Variants in ALK observed in about 807,000 individuals in gnomAD.
ALK encodes the protein ALK receptor tyrosine kinase, also known as ALK tyrosine kinase receptor.
A neutral mutation model predicts 163.1 loss-of-function variants in ALK; 74 were observed. The observed-to-expected ratio is 0.45, with a 90% confidence interval of 0.38 to 0.55. The LOEUF is 0.55. Among genes scored for constraint, ALK ranks in the 20% least tolerant of loss-of-function variants. The probability of loss-of-function intolerance (pLI) is 0.00; values close to 1 mark genes in which losing one functional copy is unlikely to be tolerated. For missense variants in ALK, 2,063 were observed against 2,105.3 expected, an observed-to-expected ratio of 0.98 and a Z score of 0.39; for synonymous variants, 960 against 843.2, an observed-to-expected ratio of 1.14 and a Z score of -2.40.
At chr2:29,496,277 A>C (rs1672020663) in intron 4 of ALK, among the ~76,000 whole-genome samples, 2 of 152,224 alleles carry the variant, frequency 1.3e-5, no homozygotes, top group South Asian at 4.1e-4. Context: ...ATTTGTCAAA[A>C]TGTTAAGGTC....
At chr2:29,662,681 G>A (rs149654562) in intron 3 of ALK, among the ~76,000 whole-genome samples, 159 of 152,010 alleles carry the variant, frequency 1.0e-3, no homozygotes, top group African/African-American at 3.8e-3. Context: ...TGACTTCACC[G>A]GTCCTATCTT....
intron 3 of ALK, among the ~76,000 whole-genome samples, chr2:29,625,038 G>T (rs546511813): frequency 6.6e-6 from 1 of 152,198 alleles, no homozygotes; most frequent in Non-Finnish European, 1.5e-5. Flanking sequence ...TGGTATGGAC[G>T]TGAGTGTGTC....
At chr2:29,705,552 G>A (rs770480672) in intron 2 of ALK, among the ~76,000 whole-genome samples, 66 of 151,816 alleles carry the variant, frequency 4.3e-4, no homozygotes, top group Non-Finnish European at 8.8e-4. Flanking sequence ...AGGGGGCTGG[G>A]AGAGGCACCA....
chr2:29,214,124 G>A (rs1181854163), intron 23 of ALK, 43 bp from the exon 24 acceptor site: 2 of 1,539,850 alleles, frequency 1.3e-6, no homozygotes, highest in South Asian at 1.1e-5. Context: ...GAGCTTGTCA[G>A]TGAGAGGAGG....
intron 3 of ALK, among the ~76,000 whole-genome samples, chr2:29,565,827 C>T (rs75559193): frequency 0.02 from 3,037 of 152,144 alleles, 65 homozygotes; most frequent in African/African-American, 0.057. Context: ...TATTACCTCT[C>T]GCATAGGAGT....
chr2:29,510,158 G>C (rs983257638), intron 4 of ALK, among the ~76,000 whole-genome samples: 6 of 152,146 alleles, frequency 3.9e-5, no homozygotes, highest in African/African-American at 1.4e-4. Context: ...AAGCAGAGAG[G>C]AGGAAGCTGA....
intron 2 of ALK, among the ~76,000 whole-genome samples, chr2:29,702,002 C>T (rs1449471853): frequency 6.6e-6 from 1 of 152,020 alleles, no homozygotes. Context: ...CAGACATGGA[C>T]ATGTCTGTGG....
At chr2:29,336,544 G>C (rs539112885) in intron 5 of ALK, among the ~76,000 whole-genome samples, 127 of 152,188 alleles carry the variant, frequency 8.3e-4, no homozygotes, top group African/African-American at 3.0e-3. Context: ...GACACATGTG[G>C]CCCAGGTCAG....
chr2:29,548,997 G>C (rs1673642950), intron 3 of ALK, among the ~76,000 whole-genome samples: 1 of 152,028 alleles, frequency 6.6e-6, no homozygotes, highest in African/African-American at 2.4e-5. Context: ...TCAATTTAGT[G>C]GGTCATGACC....
In ALK at chr2:29,260,948, T is replaced by C. The variant is rs922650628; in HGVS notation, c.2042-9681A>G. Among the ~76,000 whole-genome samples, 34 of 152,224 alleles carry C rather than the reference T, an allele frequency of 2.2e-4. 1 individual carries two copies. Among genetic ancestry groups the C allele is most frequent in the African/African-American group, 7.7e-4 (32 of 41,460 alleles). On this transcript the variant is annotated intron_variant, in intron 11 of 28. Coordinates refer to ENST00000389048, the MANE Select transcript of ALK (RefSeq NM_004304.5). The stretch of plus-strand genomic sequence containing the variant: ...TCTGGACATTCTCTTATTTATTCTC[T>C]ATTATCCCTTTCCTACTCAATATTG...
chr2:29,360,461 C>G (rs1573280035), intron 5 of ALK, among the ~76,000 whole-genome samples: 3 of 152,160 alleles, frequency 2.0e-5, no homozygotes, highest in South Asian at 2.1e-4. Context: ...AGCACATTGC[C>G]CAGAGCTCCT....
At chr2:29,261,097 C>T (rs747544740) in intron 11 of ALK, among the ~76,000 whole-genome samples, 4 of 152,122 alleles carry the variant, frequency 2.6e-5, no homozygotes, top group South Asian at 2.1e-4. Context: ...TGGGCAAAGC[C>T]GCTCCCACTT....
intron 1 of ALK, among the ~76,000 whole-genome samples, chr2:29,740,671 C>A (rs1315970306): frequency 3.3e-5 from 5 of 152,166 alleles, no homozygotes; most frequent in African/African-American, 1.2e-4. Flanking sequence ...AATTGTGGTA[C>A]ATCCCGATAA....
intron 1 of ALK, among the ~76,000 whole-genome samples, chr2:29,759,306 G>A (rs1680633504): frequency 6.6e-6 from 1 of 152,142 alleles, no homozygotes. Context: ...ATGTTGGCTT[G>A]TATACAGGAA....
intron 1 of ALK, among the ~76,000 whole-genome samples, chr2:29,917,997 C>T (rs989117485): frequency 1.1e-4 from 17 of 152,246 alleles, no homozygotes; most frequent in African/African-American, 3.4e-4. Flanking sequence ...TGCTTCCCTA[C>T]AGCCAATAGC....
chr2:29,677,930 G>T (rs912806631), intron 3 of ALK, among the ~76,000 whole-genome samples: 1 of 151,998 alleles, frequency 6.6e-6, no homozygotes, highest in Admixed American at 6.6e-5. Context: ...TTCTTTTGGG[G>T]TAGATTTTCA....
At chr2:29,898,851 C>T (rs1023058910) in intron 1 of ALK, among the ~76,000 whole-genome samples, 4 of 152,194 alleles carry the variant, frequency 2.6e-5, no homozygotes, top group African/African-American at 9.6e-5. Context: ...AGAGAAGCCA[C>T]CACCACCACC....
intron 2 of ALK, among the ~76,000 whole-genome samples, chr2:29,704,047 C>T (rs1438599458): frequency 3.9e-5 from 6 of 152,092 alleles, no homozygotes; most frequent in Non-Finnish European, 5.9e-5. Flanking sequence ...GACTGGTTTT[C>T]TTAATGGCAT....
At chr2:29,680,170 T>A (rs1372277959) in intron 3 of ALK, among the ~76,000 whole-genome samples, 1 of 150,866 alleles carries the variant, frequency 6.6e-6, no homozygotes, top group Non-Finnish European at 1.5e-5. Context: ...TCTCATTGTA[T>A]TTATTCTAGG....
Sources: allele counts gnomAD v4.1 joint callset (sites outside exome capture counted in the v4.1 genomes callset), GRCh38; gene constraint gnomAD v4.1.1; transcripts MANE v1.5; gene names NCBI Gene and HGNC (gene_info 2026-07-23, HGNC 2026-07-21).